Variants in DYSF observed in about 807,000 individuals in gnomAD.
DYSF encodes dysferlin, also known as dystrophy-associated fer-1-like 1.
DYSF carries 212 observed loss-of-function variants against 274.9 expected under a neutral mutation model. That is an observed-to-expected ratio of 0.77 (90% confidence interval 0.69 to 0.86). The LOEUF (loss-of-function observed/expected upper bound fraction) is 0.86, where lower values mean the gene tolerates loss of function less well. Ranked by LOEUF, DYSF falls within the 40% of genes least tolerant of loss-of-function variation. The pLI is 0.00. For missense variants in DYSF, 2,666 were observed against 2,783.2 expected (o/e 0.96, Z 0.95); for synonymous variants, 1,091 against 1,078.7 (o/e 1.01, Z -0.22).
chr2:71,526,267 C>T lies in DYSF; in HGVS notation c.1197C>T (p.Asn399=), dbSNP rs781380886. 15 of 1,614,150 alleles carry T rather than the reference C, an allele frequency of 9.3e-6. No homozygotes were observed. Among genetic ancestry groups the T allele is most frequent in the Middle Eastern group, 3.3e-4 (2 of 6,084 alleles). ...PSEDKEDIES[N]LLRPTGVALR... ...AAGACAAGGAGGACATTGAAAGCAA[C>T]CTGCTCCGGCCCACAGGCGTAGCCC... Residue 399 remains asparagine, a synonymous_variant, in exon 13 of 56, where the codon AAC becomes AAT. Coordinates refer to ENST00000410020, the MANE Select transcript of DYSF (RefSeq NM_001130987.2).
chr2:71,665,029 T>C (rs2094969848), intron 46 of DYSF, 133 bp from the exon 47 acceptor site: 1 of 1,410,330 alleles, frequency 7.1e-7, no homozygotes, highest in African/African-American at 1.4e-5. Flanking sequence ...TGGTGAGCAA[T>C]CAGATGGGAC....
At chr2:71,503,826 C>T (rs2085222022) in intron 4 of DYSF, among the ~76,000 whole-genome samples, 1 of 152,224 alleles carries the variant, frequency 6.6e-6, no homozygotes, top group Admixed American at 6.5e-5. Context: ...CTTCTCAGTG[C>T]TCCCCCCAAG....
In DYSF at chr2:71,543,663, C is replaced by T. The variant is rs543029590; in HGVS notation, c.1576+4424C>T. On this transcript the variant is annotated intron_variant, in intron 17 of 55. Transcript: ENST00000410020. The stretch of plus-strand genomic sequence containing the variant: ...TCACTCGCGGTTAGGAGCTGGAGAC[C>T]AGCCCGGCCAACACAGCGAAACCCC... 1.8e-4 allele frequency among the ~76,000 whole-genome samples: 27 copies of T among 152,342 alleles called. 1 individual carries two copies. The East Asian group carries it at 5.0e-3, about 28-fold the overall frequency.
At position 71,615,405 on chromosome 2, in the gene DYSF, T is replaced by C. The variant is rs1317487415; in HGVS notation, c.4464+1995T>C. On this transcript the variant is annotated intron_variant, in intron 40 of 55. Coordinates refer to ENST00000410020, the MANE Select transcript of DYSF (RefSeq NM_001130987.2). This position sits in a 1 kb window ranked among gnomAD's most constrained non-coding sequence, Gnocchi z 4.9. ...AGGAAATGACACTGATTTGCTCTGA[T>C]GGGGGAGGCTTGGACCTTGCCCTCA... 6.6e-6 allele frequency among the ~76,000 whole-genome samples: 1 copy of C among 152,020 alleles called. No individual in the cohort carries two copies. Among genetic ancestry groups the C allele is most frequent in the Non-Finnish European group, 1.5e-5 (1 of 67,992 alleles).
intron 3 of DYSF, among the ~76,000 whole-genome samples, chr2:71,488,400 A>G (rs1277094105): frequency 2.2e-4 from 33 of 152,200 alleles, no homozygotes; most frequent in Non-Finnish European, 1.6e-4. Flanking sequence ...GGGTCAAAAC[A>G]TCCACCTGGC....
At chr2:71,469,248 G>A (rs1440482982) in intron 1 of DYSF, among the ~76,000 whole-genome samples, 2 of 152,162 alleles carry the variant, frequency 1.3e-5, no homozygotes, top group Non-Finnish European at 2.9e-5. Context: ...GAGGGAAACC[G>A]TTAGAACCAG....
chr2:71,612,666 G>GC lies in DYSF; in HGVS notation c.4254dup (p.Ile1419HisfsTer8), dbSNP rs398123786. ...ATGCTGCCCAGGGAGGAGCTCTACT[G>GC]CCCCCCCATCACCGTCAAGGTCATC... On this transcript the variant is annotated frameshift_variant, in exon 39 of 56. Coordinates refer to ENST00000410020, the MANE Select transcript of DYSF (RefSeq NM_001130987.2). LOFTEE classifies it high-confidence loss of function. 2.5e-5 allele frequency: 40 copies of GC among 1,613,666 alleles called. No individual in the cohort carries two copies. Among genetic ancestry groups the GC allele is most frequent in the African/African-American group, 6.7e-5 (5 of 74,888 alleles).
intron 41 of DYSF, among the ~76,000 whole-genome samples, chr2:71,626,451 TGTTA>T (rs1270797572): frequency 6.0e-5 from 9 of 150,694 alleles, no homozygotes; most frequent in African/African-American, 1.9e-4. Flanking sequence ...TATTTACATA[TGTTA>T]ATTAATAACC....
chr2:71,611,035 G>A lies in DYSF; in HGVS notation c.3958-210G>A, dbSNP rs1372876334. 9.7e-6 allele frequency: 6 copies of A among 616,530 alleles called. No individual in the cohort carries two copies. The Admixed American group carries it at 1.1e-4, about 12-fold the overall frequency. 38.2% of individuals were successfully genotyped at this position (616,530 alleles called of 1,614,324 possible). On this transcript the variant is annotated intron_variant, in intron 36 of 55. Transcript: ENST00000410020. ...GGTGACCTGAACCCTGGATGAAGGT[G>A]CTGGAATTGTGATCCTGGAGAAGAT... is the stretch of plus-strand genomic sequence containing the variant.
Position 71,517,040 on chromosome 2 carries a change from G to A in DYSF, c.1002+1G>A. On this transcript the variant is annotated splice_donor_variant, in intron 10 of 55. Coordinates refer to ENST00000410020, the MANE Select transcript of DYSF (RefSeq NM_001130987.2). LOFTEE classifies it high-confidence loss of function. ...AGATGCTCTCCTCGGGGAGTTCCGG[G>A]TAATTGCTTATTTTCTATGAAAGCA... The A allele has an allele frequency of 6.2e-7, 1 of 1,614,020 alleles. No homozygotes were observed. The highest frequency in any genetic ancestry group is 8.5e-7 in the Non-Finnish European group (1 of 1,179,936).
chr2:71,525,904 G>A (rs899953856), intron 12 of DYSF, among the ~76,000 whole-genome samples: 3 of 152,140 alleles, frequency 2.0e-5, no homozygotes, highest in South Asian at 2.1e-4. Context: ...TGTTTTAACC[G>A]GGAGGTGGGG....
chr2:71,670,341 C>T (rs1259040869), intron 51 of DYSF, among the ~76,000 whole-genome samples: 2 of 152,238 alleles, frequency 1.3e-5, no homozygotes, highest in African/African-American at 4.8e-5. Flanking sequence ...CCCAGCATGG[C>T]CTTCAAAAGG....
intron 51 of DYSF, among the ~76,000 whole-genome samples, chr2:71,673,597 G>A (rs1410773322): frequency 6.6e-6 from 1 of 152,104 alleles, no homozygotes; most frequent in Non-Finnish European, 1.5e-5. Context: ...GTAGGGTGGG[G>A]TCCCTCAGGG....
In DYSF at chr2:71,570,609, T is replaced by TAGC; in HGVS notation, c.3098_3100dup (p.Ser1033dup). ...TTCCCCCTCCCCCAGGCTGGGAGTATAGCATCACCATCCCCCCGGAGCGGA... is the reference window on the plus strand; with the variant it reads ...TTCCCCCTCCCCCAGGCTGGGAGTATAGCAGCATCACCATCCCCCCGGAGCGGA... On this transcript the variant is annotated inframe_insertion, in exon 29 of 56. Coordinates refer to ENST00000410020, the MANE Select transcript of DYSF (RefSeq NM_001130987.2). 1.2e-6 allele frequency: 2 copies of TAGC among 1,613,854 alleles called. No homozygotes were observed. Among genetic ancestry groups the TAGC allele is most frequent in the East Asian group, 4.5e-5 (2 of 44,872 alleles).
At position 71,568,161 on chromosome 2, in the gene DYSF, T is replaced by C. The variant is rs368482435; in HGVS notation, c.2698-11T>C. 105 of 1,614,232 alleles carry C rather than the reference T, an allele frequency of 6.5e-5. No homozygotes were observed. In the African/African-American group the frequency reaches 1.1e-3, roughly 17 times the overall value. ...CCCCCTGCTCACGCCTCATTCTTCC[T>C]GGCCCTCCAGTATGAGAACGAGACT... On this transcript the variant is annotated splice_polypyrimidine_tract_variant and intron_variant, in intron 25 of 55. Transcript: ENST00000410020.
chr2:71,568,880 T>C (rs11884698), intron 26 of DYSF, among the ~76,000 whole-genome samples: 1,823 of 148,024 alleles, frequency 0.012, 30 homozygotes, highest in African/African-American at 0.038. Context: ...TTCTCTCTCT[T>C]TTTTTTTTTT....
chr2:71,654,076 C>T (rs921492085), intron 42 of DYSF, among the ~76,000 whole-genome samples: 3 of 152,084 alleles, frequency 2.0e-5, no homozygotes, highest in African/African-American at 7.2e-5. Context: ...AGAAAACAAA[C>T]ACCAACAGAT....
chr2:71,595,338 C>T (rs977415364), intron 32 of DYSF, among the ~76,000 whole-genome samples: 1 of 152,152 alleles, frequency 6.6e-6, no homozygotes, highest in Non-Finnish European at 1.5e-5. Flanking sequence ...TCTGAAGGGC[C>T]CTTTCCTATG....
chr2:71,467,963 A>G (rs1020567139), intron 1 of DYSF, among the ~76,000 whole-genome samples: 2 of 152,220 alleles, frequency 1.3e-5, no homozygotes, highest in Non-Finnish European at 2.9e-5. Context: ...CCCCAAGATA[A>G]TGATAGATGA....
Sources: allele counts gnomAD v4.1 joint callset (sites outside exome capture counted in the v4.1 genomes callset), GRCh38; gene constraint gnomAD v4.1.1; non-coding constraint Gnocchi (gnomAD v3.1); transcripts MANE v1.5; gene names NCBI Gene and HGNC (gene_info 2026-07-23, HGNC 2026-07-21).